SLIT3: variants seen among roughly 807,000 people sequenced by gnomAD.
SLIT3 encodes the protein slit homolog 3 protein.
SLIT3 carries 68 observed loss-of-function variants against 184.0 expected under a neutral mutation model. The observed-to-expected ratio is 0.37, with a 90% CI of 0.30 to 0.45. The LOEUF (loss-of-function observed/expected upper bound fraction) is 0.45, where lower values mean the gene tolerates loss of function less well. Among genes scored for constraint, SLIT3 ranks in the 20% least tolerant of loss-of-function variants. SLIT3 has a pLI of 1.00. For missense variants in SLIT3, 1,707 were observed against 2,026.0 expected, an observed-to-expected ratio of 0.84 and a Z score of 3.02; for synonymous variants, 831 against 828.6, an observed-to-expected ratio of 1.00 and a Z score of -0.05.
At chr5:168,693,713 G>A (rs1203507572) in intron 28 of SLIT3, among the ~76,000 whole-genome samples, 1 of 152,146 alleles carries the variant, frequency 6.6e-6, no homozygotes, top group Non-Finnish European at 1.5e-5. Context: ...GGTATAGGCA[G>A]GTAGGTCCAG....
chr5:168,750,984 T>C (rs1754676441), intron 18 of SLIT3, among the ~76,000 whole-genome samples: 1 of 143,246 alleles, frequency 7.0e-6, no homozygotes, highest in South Asian at 2.2e-4. Context: ...ATTGGGGCTA[T>C]GGCAGAGGGG....
rs557390085 is a variant in SLIT3, at chr5:169,254,705, G to T, written c.198-3246C>A. Among the ~76,000 whole-genome samples, 24 of 152,268 alleles carry T rather than the reference G, an allele frequency of 1.6e-4. No homozygotes were observed. In the South Asian group the frequency reaches 5.0e-3, roughly 32 times the overall value. On this transcript the variant is annotated intron_variant, in intron 1 of 35. Coordinates refer to ENST00000519560, the MANE Select transcript of SLIT3 (RefSeq NM_003062.4). ...GAGCTGCCATATGAGAAAAGCAGATGATCTGAAGCCTCCATGCTGGTGAAA... is the reference window on the plus strand; with the variant it reads ...GAGCTGCCATATGAGAAAAGCAGATTATCTGAAGCCTCCATGCTGGTGAAA...
chr5:168,967,845 C>T (rs62377234), intron 4 of SLIT3, among the ~76,000 whole-genome samples: 3,095 of 152,230 alleles, frequency 0.02, 47 homozygotes, highest in Middle Eastern at 0.034. Flanking sequence ...AATAAAGCCT[C>T]GGGTTCCCAC....
At chr5:169,014,058 A>G (rs958838137) in intron 4 of SLIT3, among the ~76,000 whole-genome samples, 21 of 151,992 alleles carry the variant, frequency 1.4e-4, no homozygotes, top group Non-Finnish European at 2.2e-4. Context: ...CTGGTATTAC[A>G]GAGAAGCTTG....
In SLIT3 at chr5:168,944,536, C is replaced by T. The variant is rs138014681; in HGVS notation, c.414-61200G>A. Among the ~76,000 whole-genome samples the T allele has an allele frequency of 1.3e-3, 198 of 152,178 alleles. 2 individuals carry two copies. The highest frequency in any genetic ancestry group is 4.2e-3 in the African/African-American group (176 of 41,508). ...ATTTTTCAATTTACCTTTCCCCCACCGAAGCATGCCATACTTGCCTCTGCT... is the reference window on the plus strand; with the variant it reads ...ATTTTTCAATTTACCTTTCCCCCACTGAAGCATGCCATACTTGCCTCTGCT... On this transcript the variant is annotated intron_variant, in intron 4 of 35. Transcript: ENST00000519560.
intron 4 of SLIT3, among the ~76,000 whole-genome samples, chr5:169,155,500 A>T (rs1264514200): frequency 6.6e-6 from 1 of 152,224 alleles, no homozygotes; most frequent in Non-Finnish European, 1.5e-5. Context: ...GGAGCAAAAG[A>T]TCCCCAAATA....
intron 5 of SLIT3, among the ~76,000 whole-genome samples, chr5:168,851,356 A>G (rs940948255): frequency 6.6e-6 from 1 of 151,612 alleles, no homozygotes; most frequent in South Asian, 2.1e-4. Context: ...TACGGGGGAC[A>G]AGCAGAGATC....
intron 4 of SLIT3, among the ~76,000 whole-genome samples, chr5:169,042,101 G>C (rs1440502029): frequency 6.6e-6 from 1 of 152,196 alleles, no homozygotes; most frequent in African/African-American, 2.4e-5. Flanking sequence ...AATGGAAGAT[G>C]AAGAATGGAT....
At chr5:169,276,033 G>A (rs890128895) in intron 1 of SLIT3, among the ~76,000 whole-genome samples, 1 of 152,080 alleles carries the variant, frequency 6.6e-6, no homozygotes, top group African/African-American at 2.4e-5. Context: ...AGGATGGGTC[G>A]GGGGAGTGAC....
At chr5:168,802,637 A>C (rs1002400067) in intron 9 of SLIT3, among the ~76,000 whole-genome samples, 2 of 152,120 alleles carry the variant, frequency 1.3e-5, no homozygotes, top group African/African-American at 4.8e-5. Context: ...TATTCTCTCA[A>C]CCATAACCCT....
At chr5:169,139,634 A>G (rs1321468613) in intron 4 of SLIT3, among the ~76,000 whole-genome samples, 3 of 152,352 alleles carry the variant, frequency 2.0e-5, no homozygotes, top group South Asian at 2.1e-4. Flanking sequence ...ACATGGGTAT[A>G]AGGAACAGAA....
At chr5:168,748,579 G>T in intron 19 of SLIT3, 145 bp from the exon 20 acceptor site, 1 of 747,206 alleles carries the variant, frequency 1.3e-6, no homozygotes, top group Non-Finnish European at 2.0e-6. Flanking sequence ...GTACCCGCTG[G>T]TCTCATCCGT....
At chr5:169,183,188 T>C (rs1763225689) in intron 4 of SLIT3, among the ~76,000 whole-genome samples, 1 of 152,226 alleles carries the variant, frequency 6.6e-6, no homozygotes, top group Non-Finnish European at 1.5e-5. Context: ...CACATACTTC[T>C]CTTCCTAGAA....
At position 168,817,454 on chromosome 5, in the gene SLIT3, G is replaced by A. The variant is rs767301098; in HGVS notation, c.639C>T (p.His213=). The change falls in exon 8 of 36, where the codon CAC becomes CAT. Residue 213 remains histidine (H), a synonymous_variant. Coordinates refer to ENST00000519560, the MANE Select transcript of SLIT3 (RefSeq NM_003062.4). ...GGCAGTCGCAGTACAGGTGGTTGGA[G>A]TGGAGGCGCCTGGGAGAGGGCGGGA... is the stretch of plus-strand genomic sequence containing the variant. ...HMPKIRTLRL[H]SNHLYCDCHL... The A allele has an allele frequency of 6.2e-7, 1 of 1,614,052 alleles. No homozygotes were observed. Among genetic ancestry groups the A allele is most frequent in the Admixed American group, 1.7e-5 (1 of 60,008 alleles).
rs150935431 is a variant in SLIT3 at position 169,100,969 on chromosome 5, G to A, written c.413+92510C>T. ...TTTAAATAAGTAGCCCAGCATGGGA[G>A]TCAGCGTGAAAGTTGACCATTGGAG... On this transcript the variant is annotated intron_variant, in intron 4 of 35. Transcript: ENST00000519560. Among the ~76,000 whole-genome samples the A allele has an allele frequency of 4.6e-5, 7 of 152,324 alleles. No homozygotes were observed. In the South Asian group the frequency reaches 1.5e-3, roughly 32 times the overall value.
intron 16 of SLIT3, 84 bp from the exon 17 acceptor site, chr5:168,754,091 C>T: frequency 6.9e-7 from 1 of 1,440,296 alleles, no homozygotes; most frequent in Non-Finnish European, 9.3e-7. Flanking sequence ...CCTGCAGCTG[C>T]TGGGGACTCT....
At chr5:168,957,823 C>T (rs1302350640) in intron 4 of SLIT3, among the ~76,000 whole-genome samples, 1 of 152,218 alleles carries the variant, frequency 6.6e-6, no homozygotes, top group Non-Finnish European at 1.5e-5. Flanking sequence ...GCTTCAGCTA[C>T]TTACTCACCG....
intron 9 of SLIT3, among the ~76,000 whole-genome samples, chr5:168,803,366 A>G (rs1270922553): frequency 6.6e-6 from 1 of 152,242 alleles, no homozygotes; most frequent in Non-Finnish European, 1.5e-5. Flanking sequence ...ACTTTACCTG[A>G]TATCAGAGAA....
intron 3 of SLIT3, among the ~76,000 whole-genome samples, chr5:169,242,984 C>T (rs1381079522): frequency 2.0e-5 from 3 of 152,178 alleles, no homozygotes; most frequent in South Asian, 2.1e-4. Context: ...TATGAAAGAA[C>T]ATCATCTTTC....
Sources: gnomAD v4.1 joint callset for allele counts (sites outside exome capture counted in the v4.1 genomes callset) on GRCh38, gnomAD v4.1.1 for gene constraint, MANE v1.5 for transcripts, NCBI Gene and HGNC (gene_info 2026-07-23, HGNC 2026-07-21) for gene names.